Variants in MIA2 observed in about 807,000 individuals in gnomAD.
The protein encoded by MIA2 is MIA SH3 domain ER export factor 2.
A neutral mutation model predicts 167.8 loss-of-function variants in MIA2; 127 were observed. The ratio of observed to expected loss-of-function variants is 0.76; its 90% CI spans 0.66 to 0.88. MIA2 has a LOEUF of 0.88. Ranked by LOEUF, MIA2 falls within the 40% of genes least tolerant of loss-of-function variation. The pLI is 0.00. For missense variants in MIA2, 1,690 were observed against 1,624.7 expected (o/e 1.04, Z -0.69); for synonymous variants, 552 against 541.9 (o/e 1.02, Z -0.26).
Position 39,279,362 on chromosome 14 carries a change from A to T in MIA2, c.2041+4A>T. Reference sequence around the variant, plus strand: ...GTTAGGAGTCGGCTTTATGTGGGTAAGTTCTTTTTTCTGCTTTGACTCTCA... The same window carrying T: ...GTTAGGAGTCGGCTTTATGTGGGTATGTTCTTTTTTCTGCTTTGACTCTCA... On this transcript the variant is annotated splice_donor_region_variant and intron_variant, in intron 8 of 28. Coordinates refer to ENST00000640607, the MANE Select transcript of MIA2 (RefSeq NM_001329214.4). The T allele has an allele frequency of 6.2e-7, 1 of 1,608,454 alleles. No homozygotes were observed. The highest frequency in any genetic ancestry group is 8.5e-7 in the Non-Finnish European group (1 of 1,178,648).
intron 26 of MIA2, among the ~76,000 whole-genome samples, chr14:39,347,165 A>G (rs1595886584): frequency 6.6e-6 from 1 of 152,282 alleles, no homozygotes; most frequent in East Asian, 1.9e-4. Context: ...GAGGAAACTC[A>G]GTGGTCAGAA....
chr14:39,294,207 A>T, intron 12 of MIA2, 136 bp downstream of exon 12: 1 of 575,052 alleles, frequency 1.7e-6, no homozygotes, highest in Non-Finnish European at 3.0e-6. Flanking sequence ...TTTTTTTAAC[A>T]ATACCTAAAT....
chr14:39,272,527 G>A (rs923051196), intron 6 of MIA2, among the ~76,000 whole-genome samples: 14 of 152,296 alleles, frequency 9.2e-5, no homozygotes, highest in Admixed American at 3.9e-4. Flanking sequence ...TTGAAGTTGG[G>A]GTTTCACTAG....
At position 39,275,746 on chromosome 14, in the gene MIA2, AT is replaced by A. The variant is rs545632780; in HGVS notation, c.1888-1179del. On this transcript the variant is annotated intron_variant, in intron 6 of 28. Coordinates refer to ENST00000640607, the MANE Select transcript of MIA2 (RefSeq NM_001329214.4). ...CTTTTTTCCCCCAATAGCAAAAATA[AT>A]TTTTTTTTATCATTAATTGCTTGTA... Among the ~76,000 whole-genome samples the A allele has an allele frequency of 4.2e-3, 638 of 151,850 alleles. 5 individuals are homozygous for A. Among genetic ancestry groups the A allele is most frequent in the African/African-American group, 9.6e-3 (397 of 41,412 alleles).
At chr14:39,262,234 T>C (rs576984399) in intron 6 of MIA2, among the ~76,000 whole-genome samples, 54 of 152,358 alleles carry the variant, frequency 3.5e-4, no homozygotes, top group African/African-American at 1.2e-3. Flanking sequence ...TTTCTACATA[T>C]GGCTAGCAGT....
rs1353379417 is a variant in MIA2 at position 39,350,246 on chromosome 14, AC to A, written c.4223del (p.Pro1408HisfsTer18). The A allele has an allele frequency of 6.7e-7, 1 of 1,489,542 alleles. No homozygotes were observed. Among genetic ancestry groups the A allele is most frequent in the East Asian group, 2.7e-5 (1 of 37,412 alleles). 92.3% of individuals were successfully genotyped at this position (1,489,542 alleles called of 1,614,324 possible). A position where few individuals can be genotyped will look rare whatever the true frequency, so the allele number is the denominator to read the frequency against. ...ATGAGCCTGCTACTGAACATCCAGA[AC>A]CACAGCAAGAAACCTGACAATATTT... ...SNEPATEHPEPQQET is the reference protein window; with the variant it reads ...SNEPATEHPEXQQET On this transcript the variant is annotated frameshift_variant, in exon 29 of 29. Coordinates refer to ENST00000640607, the MANE Select transcript of MIA2 (RefSeq NM_001329214.4). LOFTEE classifies it high-confidence loss of function.
At chr14:39,357,691 A>T (rs8014304) in intron 23 of MIA2, among the ~76,000 whole-genome samples, 141,600 of 152,294 alleles carry the variant, frequency 0.93, 65,930 homozygotes, top group East Asian at 0.96. Context: ...TGGCTGTTAC[A>T]GGTTGTTCCT....
rs112931795 is a variant in MIA2, at chr14:39,271,561, A to G, written c.1888-5373A>G. On this transcript the variant is annotated intron_variant, in intron 6 of 28. Transcript: ENST00000640607. ...ATTCAGTTTGTCCATTTCTGCAAAA[A>G]AGGCAGTTGGAATTTTAATAGGGGT... Among the ~76,000 whole-genome samples the G allele has an allele frequency of 4.3e-3, 662 of 152,210 alleles. 5 individuals are homozygous for G. Among genetic ancestry groups the G allele is most frequent in the African/African-American group, 0.015 (607 of 41,524 alleles).
chr14:39,348,715 G>A (rs1399781576), intron 27 of MIA2, 28 bp from the exon 28 acceptor site: 3 of 1,610,956 alleles, frequency 1.9e-6, no homozygotes, highest in Non-Finnish European at 2.5e-6. Flanking sequence ...TACTGTTTTA[G>A]TGACTGCCAT....
chr14:39,310,324 C>G (rs1045105940), intron 18 of MIA2, among the ~76,000 whole-genome samples: 2 of 152,068 alleles, frequency 1.3e-5, no homozygotes, highest in Non-Finnish European at 2.9e-5. Flanking sequence ...TAAAATGCCC[C>G]CTAAGCATAG....
chr14:39,253,404 CT>C, intron 6 of MIA2: 1 of 565,820 alleles, frequency 1.8e-6, no homozygotes, highest in Non-Finnish European at 3.0e-6. Flanking sequence ...GCGGTGTTTG[CT>C]TTTTACTCCA....
At chr14:39,302,487 T>G (rs1037082889) in intron 15 of MIA2, among the ~76,000 whole-genome samples, 13 of 152,184 alleles carry the variant, frequency 8.5e-5, no homozygotes, top group African/African-American at 1.4e-4. Flanking sequence ...TCCCTTTTTT[T>G]TGTGTATTAT....
At chr14:39,300,097 C>A in intron 14 of MIA2, 111 bp downstream of exon 14, 1 of 1,349,398 alleles carries the variant, frequency 7.4e-7, no homozygotes, top group South Asian at 1.3e-5. Context: ...ATTTTCATAA[C>A]ATATTTGGCC....
intron 26 of MIA2, chr14:39,346,757 G>T (rs1470795975): frequency 6.3e-6 from 1 of 158,778 alleles, no homozygotes; most frequent in Non-Finnish European, 1.4e-5. Flanking sequence ...GGGACTACAG[G>T]TGTGCACCAC....
intron 17 of MIA2, among the ~76,000 whole-genome samples, chr14:39,304,606 A>T (rs562109181): frequency 6.6e-6 from 1 of 152,254 alleles, no homozygotes; most frequent in Non-Finnish European, 1.5e-5. Flanking sequence ...AAATAAGGAA[A>T]TTTTTTAAAA....
intron 25 of MIA2, among the ~76,000 whole-genome samples, chr14:39,338,908 G>A (rs2071124664): frequency 6.6e-6 from 1 of 152,200 alleles, no homozygotes; most frequent in Admixed American, 6.5e-5. Context: ...TTTTAGAAAT[G>A]AAAGTGAGGT....
intron 18 of MIA2, among the ~76,000 whole-genome samples, chr14:39,309,818 C>CAG (rs2063915389): frequency 6.6e-6 from 1 of 152,092 alleles, no homozygotes; most frequent in Admixed American, 6.6e-5. Context: ...CAAATATGTT[C>CAG]AGTGCCTTTA....
At chr14:39,299,326 T>TTTTTTTTG (rs2062028399) in intron 13 of MIA2, among the ~76,000 whole-genome samples, 1 of 142,652 alleles carries the variant, frequency 7.0e-6, no homozygotes, top group Admixed American at 7.0e-5. Flanking sequence ...TTTTTTTTTT[T>TTTTTTTTG]GAGACGGAGT....
At chr14:39,355,415 T>A (rs868076533), downstream of MIA2, among the ~76,000 whole-genome samples, 1 of 152,206 alleles carries the variant, frequency 6.6e-6, no homozygotes, top group Non-Finnish European at 1.5e-5. Context: ...ATCCTGAGAC[T>A]TTGCTGAAGT....
Sources: gnomAD v4.1 joint callset for allele counts (sites outside exome capture counted in the v4.1 genomes callset) on GRCh38, gnomAD v4.1.1 for gene constraint, MANE v1.5 for transcripts, NCBI Gene and HGNC (gene_info 2026-07-23, HGNC 2026-07-21) for gene names.